Variants in ZCWPW2 observed in about 807,000 individuals in gnomAD.
ZCWPW2 encodes the protein zinc finger CW-type and PWWP domain containing 2, also known as zinc finger CW-type PWWP domain protein 2.
ZCWPW2 carries 45 observed loss-of-function variants against 46.6 expected under a neutral mutation model. That is an observed-to-expected ratio of 0.96 (90% CI 0.76 to 1.24). The LOEUF (loss-of-function observed/expected upper bound fraction) is 1.24, where lower values mean the gene tolerates loss of function less well. Ranked by LOEUF, ZCWPW2 falls within the 50% of genes most tolerant of loss-of-function variation. The probability of loss-of-function intolerance (pLI) is 0.00; values close to 1 mark genes in which losing one functional copy is unlikely to be tolerated. For missense variants in ZCWPW2, 429 were observed against 403.9 expected (o/e 1.06, Z -0.53); for synonymous variants, 152 against 137.1 (o/e 1.11, Z -0.76).
chr3:28,492,763 G>C (rs1699855155), intron 6 of ZCWPW2, among the ~76,000 whole-genome samples: 2 of 152,122 alleles, frequency 1.3e-5, no homozygotes, highest in Admixed American at 1.3e-4. Context: ...CTCCTCAAGA[G>C]ATGATGTTCT....
intron 1 of ZCWPW2, among the ~76,000 whole-genome samples, chr3:28,357,805 A>ATG (rs1401719815): frequency 1.8e-4 from 27 of 147,824 alleles, no homozygotes; most frequent in African/African-American, 5.9e-4. Flanking sequence ...TTTTATATAT[A>ATG]TATATATATA....
chr3:28,356,771 G>T (rs552341578), intron 1 of ZCWPW2, among the ~76,000 whole-genome samples: 4 of 152,180 alleles, frequency 2.6e-5, no homozygotes, highest in Admixed American at 2.6e-4. Context: ...ACCAAACACC[G>T]CATGTTCTCA....
intron 4 of ZCWPW2, among the ~76,000 whole-genome samples, chr3:28,466,936 C>T (rs1456009895): frequency 6.6e-6 from 1 of 151,604 alleles, no homozygotes; most frequent in African/African-American, 2.4e-5. Flanking sequence ...TTAAAAAAAA[C>T]AATTGAGACT....
chr3:28,357,874 T>C (rs1474446012), intron 1 of ZCWPW2, among the ~76,000 whole-genome samples: 1 of 150,366 alleles, frequency 6.7e-6, no homozygotes, highest in East Asian at 1.9e-4. Context: ...TACAGAACCC[T>C]GACAATATAC....
chr3:28,423,704 G>C (rs1334118328), intron 3 of ZCWPW2, among the ~76,000 whole-genome samples: 1 of 151,914 alleles, frequency 6.6e-6, no homozygotes, highest in East Asian at 1.9e-4. Context: ...TTGGTTGTTT[G>C]CTTCATAGGG....
chr3:28,424,919 T>G (rs1696945912), intron 3 of ZCWPW2, among the ~76,000 whole-genome samples: 1 of 152,212 alleles, frequency 6.6e-6, no homozygotes, highest in Non-Finnish European at 1.5e-5. Flanking sequence ...TATGAGAACT[T>G]ATGAAGGTAT....
chr3:28,467,621 C>T (rs1698876064), intron 4 of ZCWPW2, among the ~76,000 whole-genome samples: 1 of 152,114 alleles, frequency 6.6e-6, no homozygotes, highest in Non-Finnish European at 1.5e-5. Flanking sequence ...TCACCTCACC[C>T]CCAGCCCCAG....
chr3:28,516,272 A>C (rs914702786), intron 8 of ZCWPW2, among the ~76,000 whole-genome samples: 1 of 149,468 alleles, frequency 6.7e-6, no homozygotes, highest in African/African-American at 2.5e-5. Context: ...TAAATAAATA[A>C]ATAAATAAAT....
At chr3:28,475,269 C>G (rs1027939314) in intron 4 of ZCWPW2, among the ~76,000 whole-genome samples, 1 of 152,156 alleles carries the variant, frequency 6.6e-6, no homozygotes, top group East Asian at 1.9e-4. Flanking sequence ...TCTCCCAAAA[C>G]CAGTTTTCAA....
At chr3:28,355,629 A>T (rs949576709) in intron 1 of ZCWPW2, among the ~76,000 whole-genome samples, 11 of 152,258 alleles carry the variant, frequency 7.2e-5, no homozygotes, top group Non-Finnish European at 1.5e-5. Context: ...CCAAAATAGC[A>T]TGGTACTGGT....
At chr3:28,426,141 A>G (rs952983669) in intron 3 of ZCWPW2, among the ~76,000 whole-genome samples, 4 of 151,726 alleles carry the variant, frequency 2.6e-5, no homozygotes, top group Admixed American at 1.3e-4. Context: ...ATATATATGT[A>G]TATATAGCAT....
chr3:28,349,085 G>A lies in ZCWPW2; in HGVS notation c.-252G>A. ...GGAGGGCGTTAGCGAAGCCAGGTTC[G>A]GTCGTGGGGGTGGGGAAGTGCAGGA... On this transcript the variant is annotated 5_prime_UTR_variant, in exon 1 of 10. Coordinates refer to ENST00000383768, the MANE Select transcript of ZCWPW2 (RefSeq NM_001040432.4). 2.0e-5 allele frequency: 20 copies of A among 985,676 alleles called. No homozygotes were observed. Among genetic ancestry groups the A allele is most frequent in the Non-Finnish European group, 2.2e-5 (18 of 830,108 alleles). The allele number at this position is 985,676 out of a possible 1,614,324, so 61.1% of individuals were successfully genotyped here.
intron 4 of ZCWPW2, among the ~76,000 whole-genome samples, chr3:28,457,926 A>G (rs1255671849): frequency 6.6e-6 from 1 of 152,192 alleles, no homozygotes; most frequent in Non-Finnish European, 1.5e-5. Context: ...TGTACAGTTC[A>G]TTGGTGATTT....
chr3:28,382,255 A>T (rs1324589721), intron 1 of ZCWPW2, among the ~76,000 whole-genome samples: 2 of 151,778 alleles, frequency 1.3e-5, no homozygotes, highest in Non-Finnish European at 2.9e-5. Flanking sequence ...TGTTGACAGG[A>T]TGGGTCCCTT....
Position 28,402,612 on chromosome 3 carries a change from A to G in ZCWPW2, c.-13-10444A>G, listed in dbSNP as rs191711114. Among the ~76,000 whole-genome samples, 821 of 152,296 alleles carry G rather than the reference A, an allele frequency of 5.4e-3. 3 individuals carry two copies. The highest frequency in any genetic ancestry group is 7.4e-3 in the Non-Finnish European group (504 of 68,022). On this transcript the variant is annotated intron_variant, in intron 2 of 9. Coordinates refer to ENST00000383768, the MANE Select transcript of ZCWPW2 (RefSeq NM_001040432.4). Reference sequence around the variant, plus strand: ...AAAGACATAAGCAAAAAAGAAAACTACAGACCGATATTCGTGATGAACATA... The same window carrying G: ...AAAGACATAAGCAAAAAAGAAAACTGCAGACCGATATTCGTGATGAACATA...
chr3:28,487,581 C>G (rs958375833), intron 5 of ZCWPW2, among the ~76,000 whole-genome samples: 1 of 152,088 alleles, frequency 6.6e-6, no homozygotes, highest in African/African-American at 2.4e-5. Context: ...AGCTGATAAT[C>G]CCATCATCTC....
At chr3:28,369,734 C>T (rs1023738242) in intron 1 of ZCWPW2, among the ~76,000 whole-genome samples, 4 of 152,198 alleles carry the variant, frequency 2.6e-5, no homozygotes, top group East Asian at 3.9e-4. Context: ...CCTTTTGTTT[C>T]GCTATGCCCT....
chr3:28,503,343 G>T (rs980019887), intron 6 of ZCWPW2, among the ~76,000 whole-genome samples: 3 of 152,032 alleles, frequency 2.0e-5, no homozygotes, highest in Non-Finnish European at 4.4e-5. Flanking sequence ...AATGCATTTT[G>T]CTGATTATAT....
At chr3:28,473,167 T>C (rs550893371) in intron 4 of ZCWPW2, among the ~76,000 whole-genome samples, 1 of 152,162 alleles carries the variant, frequency 6.6e-6, no homozygotes, top group African/African-American at 2.4e-5. Flanking sequence ...GGAGAACAGT[T>C]TGGAAGTTCA....
Sources: allele counts gnomAD v4.1 joint callset (sites outside exome capture counted in the v4.1 genomes callset), GRCh38; gene constraint gnomAD v4.1.1; transcripts MANE v1.5; gene names NCBI Gene and HGNC (gene_info 2026-07-23, HGNC 2026-07-21).